The following IGDCC4 variants were observed in gnomAD, a reference collection of about 807,000 sequenced individuals.
IGDCC4 encodes immunoglobulin superfamily DCC subclass member 4, also known as likely ortholog of mouse neighbor of Punc E11.
In IGDCC4, 72 loss-of-function variants were observed where a neutral mutation model predicts 116.6. The ratio of observed to expected loss-of-function variants is 0.62; its 90% CI spans 0.51 to 0.75. The LOEUF (loss-of-function observed/expected upper bound fraction) is 0.75. Ranked by LOEUF, IGDCC4 falls within the 30% of genes least tolerant of loss-of-function variation. IGDCC4 has a pLI of 0.00. For synonymous variants in IGDCC4, 709 were observed against 719.9 expected (o/e 0.98, Z 0.24); for missense variants, 1,501 against 1,662.4 (o/e 0.90, Z 1.69).
chr15:65,407,389 C>A (rs1421774062), intron 3 of IGDCC4, among the ~76,000 whole-genome samples: 2 of 152,160 alleles, frequency 1.3e-5, no homozygotes, highest in African/African-American at 4.8e-5. Context: ...GTCACCCAGG[C>A]TGGAGTGCAA....
At chr15:65,396,464 A>T in intron 6 of IGDCC4, 1 of 504,550 alleles carries the variant, frequency 2.0e-6, no homozygotes, top group Non-Finnish European at 3.7e-6. Context: ...AAATTTACCC[A>T]TCTCCTTCCT....
rs186588819 is a variant in IGDCC4 at position 65,387,075 on chromosome 15, G to A, written c.2846-419C>T. 6.6e-4 allele frequency among the ~76,000 whole-genome samples: 100 copies of A among 152,202 alleles called. 1 individual carries two copies. Among genetic ancestry groups the A allele is most frequent in the African/African-American group, 2.3e-3 (97 of 41,516 alleles). The stretch of plus-strand genomic sequence containing the variant: ...AGGGTCTTGCTCTGTCACCCAGGCC[G>A]GAGTGCAGTGGCATGAACACGGCTC... On this transcript the variant is annotated intron_variant, in intron 16 of 19. Coordinates refer to ENST00000352385, the MANE Select transcript of IGDCC4 (RefSeq NM_020962.3).
chr15:65,392,451 G>C, intron 10 of IGDCC4, 81 bp from the exon 11 acceptor site: 1 of 1,107,280 alleles, frequency 9.0e-7, no homozygotes, highest in Non-Finnish European at 1.3e-6. Context: ...TAGGAGACAG[G>C]GAAGAGGCAT....
At position 65,393,668 on chromosome 15, in the gene IGDCC4, C is replaced by A; in HGVS notation, c.1715-137G>T. Reference sequence around the variant, plus strand: ...CCTGAGGCGTTCTCAGCACTGACCCCTCAGTGCCTGGGCAGATTCTATGGC... The same window carrying A: ...CCTGAGGCGTTCTCAGCACTGACCCATCAGTGCCTGGGCAGATTCTATGGC... On this transcript the variant is annotated intron_variant, in intron 9 of 19. Coordinates refer to ENST00000352385, the MANE Select transcript of IGDCC4 (RefSeq NM_020962.3). The surrounding 1 kb of genome is among the most constrained non-coding windows in gnomAD (Gnocchi z 4.6). 1 of 825,458 alleles carries A rather than the reference C, an allele frequency of 1.2e-6. No individual in the cohort carries two copies. The highest frequency in any genetic ancestry group is 1.8e-6 in the Non-Finnish European group (1 of 548,244). 51.1% of individuals were successfully genotyped at this position (825,458 alleles called of 1,614,324 possible). A position where few individuals can be genotyped will look rare whatever the true frequency, so the allele number is the denominator to read the frequency against.
intron 7 of IGDCC4, among the ~76,000 whole-genome samples, chr15:65,395,511 G>T (rs1318126007): frequency 6.6e-6 from 1 of 152,134 alleles, no homozygotes. Context: ...GTGGCTCCAG[G>T]AACGTCCTCT....
chr15:65,388,525 C>T lies in IGDCC4; in HGVS notation c.2769G>A (p.Met923Ile), dbSNP rs1294191645. ...CAGGTCCCACCTCTGTGCGCGCCCCCATCTTGAAGAAGTACCGAGTGTCGC... is the reference window on the plus strand; with the variant it reads ...CAGGTCCCACCTCTGTGCGCGCCCCTATCTTGAAGAAGTACCGAGTGTCGC... Reference protein sequence around the residue: ...LESDTRYFFKMGARTEVGPGP... With the variant: ...LESDTRYFFKIGARTEVGPGP... Residue 923 changes from methionine (M) to isoleucine (I), a missense_variant, in exon 16 of 20, where the codon ATG (methionine) becomes ATA (isoleucine). Transcript: ENST00000352385. 6.2e-7 allele frequency: 1 copy of T among 1,614,160 alleles called. No individual in the cohort carries two copies. Among genetic ancestry groups the T allele is most frequent in the Non-Finnish European group, 8.5e-7 (1 of 1,180,036 alleles).
intron 5 of IGDCC4, among the ~76,000 whole-genome samples, chr15:65,400,146 C>T (rs115287204): frequency 1.4e-3 from 216 of 152,340 alleles, no homozygotes; most frequent in African/African-American, 4.9e-3. Context: ...TAGGAGACTG[C>T]ACAGTGAAAT....
chr15:65,389,439 C>G (rs2091491929), intron 13 of IGDCC4, 28 bp from the exon 14 acceptor site: 3 of 1,614,086 alleles, frequency 1.9e-6, no homozygotes, highest in Non-Finnish European at 2.5e-6. Context: ...GTGACTAGTG[C>G]TCTCAGGCAC....
intron 1 of IGDCC4, among the ~76,000 whole-genome samples, chr15:65,420,513 A>C (rs768168800): frequency 1.6e-4 from 25 of 152,152 alleles, no homozygotes; most frequent in South Asian, 6.2e-4. Flanking sequence ...TCAAGGGCTC[A>C]TGGGGACTCT....
At position 65,396,886 on chromosome 15, in the gene IGDCC4, G is replaced by A. The variant is rs750275249; in HGVS notation, c.945C>T (p.Asn315=). The A allele has an allele frequency of 6.3e-7, 1 of 1,576,700 alleles. No individual in the cohort carries two copies. ...TGGCGAAGTCGCGCGTGCGGGGCTT[G>A]TTGGCGCGGCAGACATAGACGCCGG... is the stretch of plus-strand genomic sequence containing the variant. ...WHSGVYVCRA[N]KPRTRDFATA... is the part of the protein sequence containing the mutation. Residue 315 remains asparagine (N), a synonymous_variant, in exon 6 of 20, where the codon AAC becomes AAT. Coordinates refer to ENST00000352385, the MANE Select transcript of IGDCC4 (RefSeq NM_020962.3).
chr15:65,420,016 A>C (rs1394637710), intron 1 of IGDCC4, among the ~76,000 whole-genome samples: 2 of 151,930 alleles, frequency 1.3e-5, no homozygotes, highest in African/African-American at 4.8e-5. Flanking sequence ...GCGTGATCTC[A>C]GCTCACTGCA....
In IGDCC4 at chr15:65,395,129, G is replaced by A. The variant is rs759464067; in HGVS notation, c.1541C>T (p.Thr514Ile). ...VAYSQLGASRTSTPALVHTLD... is the reference protein window; with the variant it reads ...VAYSQLGASRISTPALVHTLD... ...TGTGTGCACCAGTGCTGGGGTGGAGGTGCGGCTGGCTCCCAGCTGGGAGTA... is the reference window on the plus strand; with the variant it reads ...TGTGTGCACCAGTGCTGGGGTGGAGATGCGGCTGGCTCCCAGCTGGGAGTA... Residue 514 changes from threonine to isoleucine, a missense_variant, in exon 8 of 20, where the codon ACC (threonine) becomes ATC (isoleucine). This residue lies in a region of IGDCC4 where 898 missense variants were observed against 978.9 expected (regional missense o/e 0.92). Transcript: ENST00000352385. The A allele has an allele frequency of 8.0e-5, 129 of 1,613,568 alleles. No homozygotes were observed. Among genetic ancestry groups the A allele is most frequent in the Middle Eastern group, 3.3e-4 (2 of 6,050 alleles).
chr15:65,393,259 T>C lies in IGDCC4; in HGVS notation c.1885+102A>G. 1 of 1,295,760 alleles carries C rather than the reference T, an allele frequency of 7.7e-7. No individual in the cohort carries two copies. Among genetic ancestry groups the C allele is most frequent in the Non-Finnish European group, 1.0e-6 (1 of 975,824 alleles). 80.3% of individuals were successfully genotyped at this position (1,295,760 alleles called of 1,614,324 possible). A position where few individuals can be genotyped will look rare whatever the true frequency, so the allele number is the denominator to read the frequency against. On this transcript the variant is annotated intron_variant, in intron 10 of 19. Transcript: ENST00000352385. This position sits in a 1 kb window ranked among gnomAD's most constrained non-coding sequence, Gnocchi z 4.6. Reference sequence around the variant, plus strand: ...AGCGGAGGGAGCCATGGAAGGTCTCTGATGGAGGGCGGGGCCAGGGGGTGG... The same window carrying C: ...AGCGGAGGGAGCCATGGAAGGTCTCCGATGGAGGGCGGGGCCAGGGGGTGG...
chr15:65,394,270 T>C, intron 9 of IGDCC4, 141 bp downstream of exon 9: 2 of 1,363,762 alleles, frequency 1.5e-6, no homozygotes, highest in East Asian at 2.3e-5. Context: ...AGACCCCTGT[T>C]TTTCAGGTTC....
chr15:65,416,359 A>G (rs954016820), intron 1 of IGDCC4, among the ~76,000 whole-genome samples: 2 of 152,010 alleles, frequency 1.3e-5, no homozygotes, highest in African/African-American at 2.4e-5. Context: ...GGATGGTCTC[A>G]ATCTCCTGAC....
At chr15:65,386,508 G>A (rs2091460096) in intron 17 of IGDCC4, 43 bp downstream of exon 17, 15 of 1,513,604 alleles carry the variant, frequency 9.9e-6, no homozygotes, top group African/African-American at 1.4e-5. Flanking sequence ...AGCCCTTCCT[G>A]GAAGTCTCCC....
intron 1 of IGDCC4, among the ~76,000 whole-genome samples, chr15:65,416,970 T>C (rs1360919367): frequency 7.2e-5 from 11 of 152,120 alleles, no homozygotes; most frequent in Non-Finnish European, 1.5e-4. Flanking sequence ...AGTTCCATTT[T>C]TCAGTGAATT....
chr15:65,411,467 A>G (rs974000341), intron 1 of IGDCC4, 97 bp from the exon 2 acceptor site: 16 of 1,002,624 alleles, frequency 1.6e-5, no homozygotes, highest in Non-Finnish European at 4.3e-6. Flanking sequence ...GGGCAAATCA[A>G]GGAGAAACAC....
At chr15:65,386,418 T>C in intron 17 of IGDCC4, 133 bp downstream of exon 17, 1 of 778,374 alleles carries the variant, frequency 1.3e-6, no homozygotes, top group Non-Finnish European at 2.2e-6. Flanking sequence ...GATTCCTTCA[T>C]CCCAGAGTCC....
Sources: allele counts gnomAD v4.1 joint callset (sites outside exome capture counted in the v4.1 genomes callset), GRCh38; gene constraint gnomAD v4.1.1; regional missense constraint gnomAD v4.1.1; non-coding constraint Gnocchi (gnomAD v3.1); transcripts MANE v1.5; gene names NCBI Gene and HGNC (gene_info 2026-07-23, HGNC 2026-07-21).